The following CFAP299 variants were observed in gnomAD, a reference collection of about 807,000 sequenced individuals.
The protein encoded by CFAP299 is cilia- and flagella-associated protein 299.
Under a neutral mutation model 27.0 loss-of-function variants are expected in CFAP299, and 21 were observed. That is an observed-to-expected ratio of 0.78 (90% CI 0.55 to 1.12). The LOEUF is 1.12. CFAP299 is among the 50% of genes most tolerant of loss of function. The pLI, the probability that CFAP299 is intolerant of heterozygous loss-of-function variation, is 0.00. For missense variants in CFAP299, 310 were observed against 276.6 expected, an observed-to-expected ratio of 1.12 and a Z score of -0.86; for synonymous variants, 104 against 98.1, an observed-to-expected ratio of 1.06 and a Z score of -0.36.
At chr4:80,566,620 A>G (rs1735302317) in intron 2 of CFAP299, among the ~76,000 whole-genome samples, 1 of 152,096 alleles carries the variant, frequency 6.6e-6, no homozygotes, top group Admixed American at 6.6e-5. Flanking sequence ...AGCGTTCTCC[A>G]GAGTAATAAC....
rs560118959 is a variant in CFAP299, at chr4:80,692,311, T to C, written c.333+109128T>C. Among the ~76,000 whole-genome samples the C allele has an allele frequency of 2.8e-3, 421 of 152,182 alleles. 3 individuals carry two copies. Among genetic ancestry groups the C allele is most frequent in the Middle Eastern group, 6.8e-3 (2 of 294 alleles). ...TTCAAACTATACTACAAGGCTACAG[T>C]AACCAAAACAGCATGGTACTGGTAC... On this transcript the variant is annotated intron_variant, in intron 3 of 5. Coordinates refer to ENST00000358105, the MANE Select transcript of CFAP299 (RefSeq NM_152770.3).
At chr4:80,346,600 T>C (rs1297638198) in intron 1 of CFAP299, among the ~76,000 whole-genome samples, 1 of 151,920 alleles carries the variant, frequency 6.6e-6, no homozygotes, top group Non-Finnish European at 1.5e-5. Context: ...TGTGGTGTTA[T>C]TTCTTAGGCC....
rs527654153 is a variant in CFAP299 at position 80,531,816 on chromosome 4, C to T, written c.243-51277C>T. ...TTGCCCAGGCTGGAGTGCAATGGCACGATCTCGGCTCACTGCAACCTCTGT... is the reference window on the plus strand; with the variant it reads ...TTGCCCAGGCTGGAGTGCAATGGCATGATCTCGGCTCACTGCAACCTCTGT... On this transcript the variant is annotated intron_variant, in intron 2 of 5. Coordinates refer to ENST00000358105, the MANE Select transcript of CFAP299 (RefSeq NM_152770.3). Among the ~76,000 whole-genome samples the T allele has an allele frequency of 8.7e-4, 128 of 147,760 alleles. 1 individual carries two copies. The highest frequency in any genetic ancestry group is 3.1e-3 in the African/African-American group (122 of 39,480).
At chr4:80,841,768 C>A (rs903988420) in intron 3 of CFAP299, among the ~76,000 whole-genome samples, 23 of 151,998 alleles carry the variant, frequency 1.5e-4, no homozygotes, top group African/African-American at 5.6e-4. Context: ...TAAGCTAAAC[C>A]ACATGAAAGA....
intron 3 of CFAP299, among the ~76,000 whole-genome samples, chr4:80,712,691 G>T (rs1447017664): frequency 6.6e-6 from 1 of 152,092 alleles, no homozygotes; most frequent in East Asian, 1.9e-4. Flanking sequence ...ATCACATACA[G>T]AAATGAATTA....
At chr4:80,847,199 C>T (rs1731231826) in intron 3 of CFAP299, among the ~76,000 whole-genome samples, 2 of 152,168 alleles carry the variant, frequency 1.3e-5, no homozygotes. Context: ...CCTTCTCCAC[C>T]CTGCTCTACC....
intron 2 of CFAP299, among the ~76,000 whole-genome samples, chr4:80,411,334 C>G (rs922770208): frequency 3.9e-5 from 6 of 152,130 alleles, no homozygotes; most frequent in Non-Finnish European, 8.8e-5. Flanking sequence ...TAGTTGTCCT[C>G]AATCATCCTC....
At chr4:80,716,017 GA>G (rs955682609) in intron 3 of CFAP299, among the ~76,000 whole-genome samples, 1 of 151,824 alleles carries the variant, frequency 6.6e-6, no homozygotes, top group Admixed American at 6.6e-5. Context: ...GTCTAAATCT[GA>G]AAAAAATCCT....
chr4:80,384,637 A>C (rs1724876120), intron 2 of CFAP299, among the ~76,000 whole-genome samples: 1 of 152,186 alleles, frequency 6.6e-6, no homozygotes, highest in South Asian at 2.1e-4. Flanking sequence ...AAAGAGTTTC[A>C]TGCATGACTT....
At chr4:80,462,392 T>C (rs1729480498) in intron 2 of CFAP299, among the ~76,000 whole-genome samples, 1 of 152,184 alleles carries the variant, frequency 6.6e-6, no homozygotes, top group Non-Finnish European at 1.5e-5. Flanking sequence ...GCTAGACTTA[T>C]GTCCCCATTG....
chr4:80,959,905 A>G (rs780885431), intron 5 of CFAP299, among the ~76,000 whole-genome samples: 5 of 151,950 alleles, frequency 3.3e-5, no homozygotes, highest in Non-Finnish European at 7.4e-5. Context: ...AACAATAAGT[A>G]CATACTTAAA....
intron 3 of CFAP299, among the ~76,000 whole-genome samples, chr4:80,747,973 C>T (rs1350707558): frequency 6.6e-6 from 1 of 151,940 alleles, no homozygotes; most frequent in Admixed American, 6.6e-5. Context: ...TTTACAAACC[C>T]AATTGGCTAA....
chr4:80,955,055 G>A, intron 5 of CFAP299, among the ~76,000 whole-genome samples: 1 of 129,416 alleles, frequency 7.7e-6, no homozygotes, highest in African/African-American at 3.0e-5. Flanking sequence ...GCCATATACA[G>A]AGTAGTATAA....
chr4:80,731,465 G>A (rs1723518689), intron 3 of CFAP299, among the ~76,000 whole-genome samples: 1 of 152,166 alleles, frequency 6.6e-6, no homozygotes. Context: ...AAGGAGTCAA[G>A]CATTCTGGTT....
Position 80,846,113 on chromosome 4 carries a change from T to C in CFAP299, c.334-23880T>C, listed in dbSNP as rs143811330. ...CCTTAATCACAAGCAGCTCAAGCTC[T>C]AATAGGGAGACTTTATTAGAGGCAC... On this transcript the variant is annotated intron_variant, in intron 3 of 5. Transcript: ENST00000358105. Among the ~76,000 whole-genome samples, 245 of 152,278 alleles carry C rather than the reference T, an allele frequency of 1.6e-3. 2 individuals carry two copies. Among genetic ancestry groups the C allele is most frequent in the Admixed American group, 0.012 (181 of 15,290 alleles).
Position 80,470,284 on chromosome 4 carries a change from A to G in CFAP299, c.242+107400A>G, listed in dbSNP as rs568079895. ...GCACTAGGCAAGTTTAAGATGATGT[A>G]TACAAAATTTTGGTTGCCTAGATAT... On this transcript the variant is annotated intron_variant, in intron 2 of 5. Transcript: ENST00000358105. Among the ~76,000 whole-genome samples, 3 of 152,324 alleles carry G rather than the reference A, an allele frequency of 2.0e-5. No individual in the cohort carries two copies. The South Asian group carries it at 6.2e-4, about 32-fold the overall frequency.
chr4:80,493,967 G>A (rs1017640756), intron 2 of CFAP299, among the ~76,000 whole-genome samples: 2 of 151,388 alleles, frequency 1.3e-5, no homozygotes, highest in African/African-American at 2.4e-5. Flanking sequence ...AGTAGAGACG[G>A]GGTTTCACCT....
At chr4:80,897,948 A>T (rs1421238518) in intron 4 of CFAP299, among the ~76,000 whole-genome samples, 1 of 152,136 alleles carries the variant, frequency 6.6e-6, no homozygotes, top group Non-Finnish European at 1.5e-5. Flanking sequence ...AGGAGGGAGC[A>T]TGCAGGTGAG....
At chr4:80,384,580 T>G (rs1724873294) in intron 2 of CFAP299, among the ~76,000 whole-genome samples, 1 of 152,198 alleles carries the variant, frequency 6.6e-6, no homozygotes, top group Admixed American at 6.5e-5. Context: ...TAGTATCTAT[T>G]TCAGGAGATA....
Sources: allele counts gnomAD v4.1 joint callset (sites outside exome capture counted in the v4.1 genomes callset), GRCh38; gene constraint gnomAD v4.1.1; transcripts MANE v1.5; gene names NCBI Gene and HGNC (gene_info 2026-07-23, HGNC 2026-07-21).